Variants in DOCK7 observed in about 807,000 individuals in gnomAD.
The protein encoded by DOCK7 is dedicator of cytokinesis 7, also known as dedicator of cytokinesis protein 7.
Under a neutral mutation model 271.0 loss-of-function variants are expected in DOCK7, and 138 were observed. The ratio of observed to expected loss-of-function variants is 0.51; its 90% CI spans 0.44 to 0.59. The LOEUF (loss-of-function observed/expected upper bound fraction) is 0.59, where lower values mean the gene tolerates loss of function less well. Ranked by LOEUF, DOCK7 falls within the 20% of genes least tolerant of loss-of-function variation. The pLI, the probability that DOCK7 is intolerant of heterozygous loss-of-function variation, is 0.00. For missense variants in DOCK7, 2,066 were observed against 2,592.4 expected, an observed-to-expected ratio of 0.80 and a Z score of 4.41; for synonymous variants, 823 against 876.1, an observed-to-expected ratio of 0.94 and a Z score of 1.07.
At chr1:62,620,506 T>A (rs553119098) in intron 12 of DOCK7, among the ~76,000 whole-genome samples, 1 of 152,212 alleles carries the variant, frequency 6.6e-6, no homozygotes, top group South Asian at 2.1e-4. Flanking sequence ...GATTTAATAA[T>A]ACCACTGTCT....
chr1:62,588,460 GATTT>G (rs1312951056), intron 14 of DOCK7, among the ~76,000 whole-genome samples: 2 of 152,238 alleles, frequency 1.3e-5, no homozygotes, highest in East Asian at 1.9e-4. Flanking sequence ...CTAGCCTTGT[GATTT>G]ATTTGTTGAA....
At chr1:62,686,878 G>C (rs1414808111) in intron 1 of DOCK7, among the ~76,000 whole-genome samples, 2 of 129,978 alleles carry the variant, frequency 1.5e-5, no homozygotes, top group Non-Finnish European at 3.4e-5. Flanking sequence ...ACGCTGGAAA[G>C]AAAGAAAAAA....
intron 43 of DOCK7, chr1:62,479,579 A>T (rs1646059906): frequency 6.3e-6 from 1 of 158,706 alleles, no homozygotes. Context: ...CATGAAAAAT[A>T]AAAAAAAGAA....
intron 43 of DOCK7, chr1:62,486,500 A>G (rs538599266): frequency 1.3e-5 from 2 of 152,230 alleles, no homozygotes; most frequent in East Asian, 3.9e-4. Context: ...ATCAAAATAA[A>G]TTAGGGCATA....
intron 48 of DOCK7, among the ~76,000 whole-genome samples, chr1:62,462,073 A>G (rs1443450410): frequency 6.7e-6 from 1 of 150,028 alleles, no homozygotes; most frequent in Admixed American, 6.6e-5. Context: ...CTCATCTCAA[A>G]AAAAAAAAAA....
intron 22 of DOCK7, among the ~76,000 whole-genome samples, chr1:62,550,241 C>A (rs970160961): frequency 9.1e-5 from 9 of 98,392 alleles, no homozygotes; most frequent in African/African-American, 3.1e-4. Flanking sequence ...CAGGTGAGAC[C>A]AGATGAGAGC....
rs541461939 is a variant in DOCK7 at position 62,666,898 on chromosome 1, A to G, written c.39-3768T>C. Among the ~76,000 whole-genome samples the G allele has an allele frequency of 2.8e-4, 43 of 152,306 alleles. 1 individual carries two copies. In the South Asian group the frequency reaches 8.3e-3, roughly 29 times the overall value. On this transcript the variant is annotated intron_variant, in intron 1 of 49. Transcript: ENST00000635253. ...CCAAGAAAACATGATCCAGTATTTG[A>G]CCTATTTATCTCTTTATCCACTCTC...
chr1:62,478,076 T>G (rs1309054318), intron 43 of DOCK7: 1 of 370,214 alleles, frequency 2.7e-6, no homozygotes. Flanking sequence ...TTTCGGAGTT[T>G]GTACGAAGTG....
At chr1:62,490,831 A>G (rs1228564924) in intron 41 of DOCK7, among the ~76,000 whole-genome samples, 1 of 152,122 alleles carries the variant, frequency 6.6e-6, no homozygotes, top group Admixed American at 6.5e-5. Context: ...AGCTTAGACA[A>G]GTGTAGGGAT....
At chr1:62,551,053 C>T (rs1255033869) in intron 22 of DOCK7, among the ~76,000 whole-genome samples, 6 of 151,988 alleles carry the variant, frequency 3.9e-5, no homozygotes, top group Non-Finnish European at 8.8e-5. Context: ...TGCCCACAGA[C>T]ATTAAGCTGG....
At chr1:62,577,463 A>G (rs1238031758) in intron 17 of DOCK7, 100 bp from the exon 18 acceptor site, 6 of 649,610 alleles carry the variant, frequency 9.2e-6, no homozygotes, top group Non-Finnish European at 4.9e-6. Context: ...AATTTGTCCC[A>G]TATCATCAAA....
chr1:62,563,721 C>T (rs1201646815), intron 18 of DOCK7, among the ~76,000 whole-genome samples: 1 of 151,678 alleles, frequency 6.6e-6, no homozygotes, highest in African/African-American at 2.4e-5. Context: ...TGTAAACGGG[C>T]TAAATGCCTC....
At chr1:62,687,247 T>C (rs1410454854) in intron 1 of DOCK7, among the ~76,000 whole-genome samples, 2 of 152,258 alleles carry the variant, frequency 1.3e-5, no homozygotes, top group East Asian at 3.8e-4. Flanking sequence ...GTCTCATACA[T>C]AAGTATACTC....
intron 41 of DOCK7, 44 bp from the exon 42 acceptor site, chr1:62,489,109 A>G (rs1415933298): frequency 6.7e-7 from 1 of 1,487,698 alleles, no homozygotes; most frequent in South Asian, 1.3e-5. Flanking sequence ...CTTTTACATC[A>G]ATAAGAAAGA....
In DOCK7 at chr1:62,455,186, G is replaced by A. The variant is rs1183749260; in HGVS notation, c.*228C>T. 1 of 640,812 alleles carries A rather than the reference G, an allele frequency of 1.6e-6. No individual in the cohort carries two copies. The highest frequency in any genetic ancestry group is 1.8e-5 in the South Asian group (1 of 54,416). 39.7% of individuals were successfully genotyped at this position (640,812 alleles called of 1,614,324 possible). A position where few individuals can be genotyped will look rare whatever the true frequency, so the allele number is the denominator to read the frequency against. On this transcript the variant is annotated 3_prime_UTR_variant, in exon 50 of 50. Coordinates refer to ENST00000635253, the MANE Select transcript of DOCK7 (RefSeq NM_001367561.1). ...AATGGTAAATGTATAGTGTACCTTT[G>A]AGTCATTAAAATGTCTTAAAAGATA...
intron 14 of DOCK7, chr1:62,601,047 T>C: frequency 1.6e-6 from 2 of 1,245,378 alleles, no homozygotes; most frequent in Non-Finnish European, 2.4e-6. Flanking sequence ...ATATTCAGTA[T>C]CATTTTAAAA....
At chr1:62,571,064 A>G (rs945346834) in intron 18 of DOCK7, among the ~76,000 whole-genome samples, 1 of 152,096 alleles carries the variant, frequency 6.6e-6, no homozygotes, top group African/African-American at 2.4e-5. Flanking sequence ...TGGGATCTAA[A>G]TAAACTAAAG....
intron 26 of DOCK7, 21 bp from the exon 27 acceptor site, chr1:62,539,679 C>A: frequency 6.2e-7 from 1 of 1,609,950 alleles, no homozygotes; most frequent in Non-Finnish European, 8.5e-7. Context: ...GAATATAAAA[C>A]AAAAACAAAT....
In DOCK7 at chr1:62,460,604, A is replaced by AAC. The variant is rs57641890; in HGVS notation, c.6213-2901_6213-2900dup. On this transcript the variant is annotated intron_variant, in intron 48 of 49. Transcript: ENST00000635253. ...GCAGAAAACTTGTGCCAATGTATTG[A>AAC]ACACACACACACACACACACACACA... Among the ~76,000 whole-genome samples, 538 of 149,002 alleles carry AAC rather than the reference A, an allele frequency of 3.6e-3. 4 individuals carry two copies. Among genetic ancestry groups the AAC allele is most frequent in the African/African-American group, 0.013 (518 of 40,370 alleles).
Sources: gnomAD v4.1 joint callset for allele counts (sites outside exome capture counted in the v4.1 genomes callset) on GRCh38, gnomAD v4.1.1 for gene constraint, MANE v1.5 for transcripts, NCBI Gene and HGNC (gene_info 2026-07-23, HGNC 2026-07-21) for gene names.